The following AXDND1 variants were observed in gnomAD, a reference collection of about 807,000 sequenced individuals.
AXDND1 encodes axonemal dynein light chain domain-containing protein 1.
In AXDND1, 110 loss-of-function variants were observed where a neutral mutation model predicts 137.5. The ratio of observed to expected loss-of-function variants is 0.80; its 90% CI spans 0.69 to 0.94. The LOEUF (loss-of-function observed/expected upper bound fraction) is 0.94. Among genes scored for constraint, AXDND1 ranks in the 40% least tolerant of loss-of-function variants. The pLI is 0.00. For missense variants in AXDND1, 1,191 were observed against 1,169.8 expected (o/e 1.02, Z -0.26); for synonymous variants, 414 against 399.7 (o/e 1.04, Z -0.43).
intron 12 of AXDND1, among the ~76,000 whole-genome samples, chr1:179,412,807 A>C (rs1412955011): frequency 6.6e-6 from 1 of 152,152 alleles, no homozygotes; most frequent in Admixed American, 6.6e-5. Context: ...CTTTAGCAAA[A>C]ATTCCCAGTA....
intron 25 of AXDND1, among the ~76,000 whole-genome samples, chr1:179,538,695 G>C (rs1309315320): frequency 6.6e-6 from 1 of 152,054 alleles, no homozygotes; most frequent in Non-Finnish European, 1.5e-5. Flanking sequence ...AATTCTGTAG[G>C]TGTCTATTAG....
intron 18 of AXDND1, among the ~76,000 whole-genome samples, chr1:179,489,741 CTTTTTTTTTTT>C (rs140787885): frequency 9.9e-6 from 1 of 101,292 alleles, no homozygotes; most frequent in Admixed American, 1.1e-4. Flanking sequence ...TACTACTTTT[CTTTTTTTTTTT>C]TTTTTTTTTT....
intron 12 of AXDND1, among the ~76,000 whole-genome samples, chr1:179,415,804 G>T (rs1015054656): frequency 6.6e-6 from 1 of 151,744 alleles, no homozygotes; most frequent in Admixed American, 6.6e-5. Context: ...TCCCGGGTTC[G>T]TGCCATTCTC....
At chr1:179,483,560 A>G (rs962429) in intron 18 of AXDND1, among the ~76,000 whole-genome samples, 69,400 of 152,042 alleles carry the variant, frequency 0.46, 16,719 homozygotes, top group East Asian at 0.76. Context: ...GACTCAGTAA[A>G]TGTTTGTTGA....
chr1:179,420,732 C>T (rs980944345), intron 12 of AXDND1, among the ~76,000 whole-genome samples: 3 of 151,390 alleles, frequency 2.0e-5, no homozygotes, highest in South Asian at 4.2e-4. Flanking sequence ...AAGCAATTCT[C>T]GTGTCTCAGC....
intron 25 of AXDND1, chr1:179,552,805 A>C (rs1673510466): frequency 1.3e-6 from 1 of 749,970 alleles, no homozygotes; most frequent in Non-Finnish European, 2.4e-6. Flanking sequence ...GAGTGACCAG[A>C]GTGTGCCATT....
chr1:179,523,634 T>A (rs1670274865), intron 21 of AXDND1, among the ~76,000 whole-genome samples: 2 of 152,232 alleles, frequency 1.3e-5, no homozygotes, highest in Admixed American at 1.3e-4. Context: ...TTATATAATA[T>A]GTGGCCTTTT....
intron 12 of AXDND1, among the ~76,000 whole-genome samples, chr1:179,412,538 C>T (rs1236881935): frequency 6.6e-6 from 1 of 151,954 alleles, no homozygotes; most frequent in Non-Finnish European, 1.5e-5. Flanking sequence ...TGTCCTAAAG[C>T]TAGAGAGAAA....
chr1:179,488,059 T>TA (rs200686886), intron 18 of AXDND1, among the ~76,000 whole-genome samples: 1 of 145,798 alleles, frequency 6.9e-6, no homozygotes, highest in Non-Finnish European at 1.5e-5. Context: ...AGGTTTTTTT[T>TA]AAATTAACTA....
chr1:179,382,855 C>T (rs1648600577), intron 7 of AXDND1, 99 bp downstream of exon 7: 1 of 936,440 alleles, frequency 1.1e-6, no homozygotes, highest in Non-Finnish European at 1.6e-6. Context: ...AAAATTATAG[C>T]AGCAACCCAA....
At chr1:179,456,670 C>A in intron 16 of AXDND1, 1 of 818,602 alleles carries the variant, frequency 1.2e-6, no homozygotes. Flanking sequence ...CCATCATGAC[C>A]ACTGAAGTTT....
intron 25 of AXDND1, 124 bp downstream of exon 25, chr1:179,535,086 A>C (rs770046724): frequency 3.5e-6 from 5 of 1,413,126 alleles, no homozygotes; most frequent in Admixed American, 1.9e-5. Flanking sequence ...TATACTTCTC[A>C]TAGGAATGTG....
intron 20 of AXDND1, among the ~76,000 whole-genome samples, chr1:179,505,185 CA>C (rs1356437986): frequency 6.6e-6 from 1 of 152,200 alleles, no homozygotes; most frequent in Non-Finnish European, 1.5e-5. Flanking sequence ...GATGGTTTTC[CA>C]GAGAAGCCTT....
chr1:179,384,087 C>T (rs1648821486), intron 8 of AXDND1, among the ~76,000 whole-genome samples: 1 of 151,972 alleles, frequency 6.6e-6, no homozygotes, highest in Non-Finnish European at 1.5e-5. Flanking sequence ...TAGATAGAGA[C>T]CTTTTTCTTT....
At chr1:179,457,354 C>CT (rs1171497823) in intron 16 of AXDND1, 2 of 507,428 alleles carry the variant, frequency 3.9e-6, no homozygotes, top group Non-Finnish European at 7.0e-6. Flanking sequence ...AGAAGAGAGA[C>CT]TTTAATGATG....
intron 15 of AXDND1, among the ~76,000 whole-genome samples, chr1:179,440,542 T>C (rs1363690719): frequency 1.3e-5 from 2 of 152,208 alleles, no homozygotes; most frequent in African/African-American, 2.4e-5. Flanking sequence ...AGGACTGGCT[T>C]GTATTATAGC....
intron 3 of AXDND1, 89 bp downstream of exon 3, chr1:179,369,061 A>G (rs895778568): frequency 7.8e-7 from 1 of 1,286,336 alleles, no homozygotes; most frequent in Non-Finnish European, 1.1e-6. Context: ...CATATTATAT[A>G]TTCCAGATAG....
rs141875462 is a variant in AXDND1, at chr1:179,383,541, G to A, written c.738G>A (p.Thr246=). The A allele has an allele frequency of 1.6e-5, 25 of 1,610,964 alleles. No homozygotes were observed. Among genetic ancestry groups the A allele is most frequent in the African/African-American group, 1.3e-4 (10 of 74,830 alleles). ...GVENQEYTGP[T]KMHKLLHILK... ...AAAATCAGGAATATACAGGACCAAC[G>A]AAGGTAATTGCAAAGCCGAATGCAA... is the stretch of plus-strand genomic sequence containing the variant. Residue 246 remains threonine, a synonymous_variant, in exon 8 of 26, where the codon ACG becomes ACA. Coordinates refer to ENST00000367618, the MANE Select transcript of AXDND1 (RefSeq NM_144696.6).
intron 9 of AXDND1, among the ~76,000 whole-genome samples, chr1:179,392,512 A>C (rs1650360371): frequency 6.6e-6 from 1 of 152,210 alleles, no homozygotes; most frequent in Non-Finnish European, 1.5e-5. Flanking sequence ...TGTTAGATTG[A>C]ATGGTAGTTC....
Sources: gnomAD v4.1 joint callset for allele counts (sites outside exome capture counted in the v4.1 genomes callset) on GRCh38, gnomAD v4.1.1 for gene constraint, MANE v1.5 for transcripts, NCBI Gene and HGNC (gene_info 2026-07-23, HGNC 2026-07-21) for gene names.